SENP5: variants seen among roughly 807,000 people sequenced by gnomAD.
The protein encoded by SENP5 is SUMO specific peptidase 5.
In SENP5, 21 loss-of-function variants were observed where a neutral mutation model predicts 74.2. The ratio of observed to expected loss-of-function variants is 0.28; its 90% CI spans 0.20 to 0.41. The LOEUF (loss-of-function observed/expected upper bound fraction) is 0.41, where lower values mean the gene tolerates loss of function less well. Ranked by LOEUF, SENP5 falls within the 10% of genes least tolerant of loss-of-function variation. The pLI is 1.00. For synonymous variants in SENP5, 311 were observed against 312.7 expected, an observed-to-expected ratio of 0.99 and a Z score of 0.06; for missense variants, 717 against 889.1, an observed-to-expected ratio of 0.81 and a Z score of 2.46.
At chr3:196,872,758 A>G (rs1279049044) in intron 1 of SENP5, among the ~76,000 whole-genome samples, 1 of 152,184 alleles carries the variant, frequency 6.6e-6, no homozygotes, top group Non-Finnish European at 1.5e-5. Flanking sequence ...ACATGTTTCA[A>G]GTGCTCAATG....
chr3:196,922,526 T>C (rs1715659571), intron 6 of SENP5, among the ~76,000 whole-genome samples: 1 of 152,222 alleles, frequency 6.6e-6, no homozygotes, highest in South Asian at 2.1e-4. Flanking sequence ...CATGGCTCAC[T>C]GCAGCCTCGA....
At chr3:196,892,977 T>G (rs1306014101) in intron 2 of SENP5, among the ~76,000 whole-genome samples, 1 of 152,240 alleles carries the variant, frequency 6.6e-6, no homozygotes, top group Non-Finnish European at 1.5e-5. Context: ...TCTTGGCTAT[T>G]GTGGATAGTG....
At chr3:196,897,189 G>T (rs1205386254) in intron 2 of SENP5, among the ~76,000 whole-genome samples, 1 of 151,970 alleles carries the variant, frequency 6.6e-6, no homozygotes, top group Non-Finnish European at 1.5e-5. Context: ...TGTTGTTAGG[G>T]GTATTATTTT....
At chr3:196,895,200 T>C (rs1375576321) in intron 2 of SENP5, among the ~76,000 whole-genome samples, 1 of 151,256 alleles carries the variant, frequency 6.6e-6, no homozygotes, top group African/African-American at 2.4e-5. Flanking sequence ...CTTTTTTTTT[T>C]TTTTTTTTTG....
intron 9 of SENP5, among the ~76,000 whole-genome samples, chr3:196,930,574 G>A (rs1230141506): frequency 1.3e-5 from 2 of 152,148 alleles, no homozygotes; most frequent in East Asian, 3.8e-4. Context: ...CAGATGCGAG[G>A]GATCTAGGTT....
Position 196,885,971 on chromosome 3 carries a change from C to T in SENP5, c.790C>T (p.Gln264Ter). The change falls in exon 2 of 10, where the codon CAG becomes TAG. Residue 264 changes from glutamine (Q) to a stop codon, truncating the protein, a stop_gained. Transcript: ENST00000323460. LOFTEE classifies it high-confidence loss of function. ...CAAGGTTTGCAAGCTAAGAAAAGCC[C>T]AGCGAAGCTGGGTACAGAAAGTCAC... ...KSKVCKLRKAQRSWVQKVTGD... is the reference protein window; with the variant it reads ...KSKVCKLRKA The T allele has an allele frequency of 1.2e-6, 2 of 1,614,190 alleles. No individual in the cohort carries two copies. The highest frequency in any genetic ancestry group is 1.7e-6 in the Non-Finnish European group (2 of 1,180,042).
chr3:196,917,921 T>C (rs1481161308), intron 6 of SENP5, among the ~76,000 whole-genome samples: 3 of 152,164 alleles, frequency 2.0e-5, no homozygotes, highest in Non-Finnish European at 4.4e-5. Flanking sequence ...CTTGACACAC[T>C]AATTGCCGTG....
intron 1 of SENP5, among the ~76,000 whole-genome samples, chr3:196,883,846 G>A (rs1020594662): frequency 6.6e-6 from 1 of 152,046 alleles, no homozygotes; most frequent in Admixed American, 6.6e-5. Context: ...TCATCATCAT[G>A]CCTGGCTAAT....
chr3:196,922,783 GGTTA>G (rs1560160829), intron 6 of SENP5, among the ~76,000 whole-genome samples: 1 of 152,088 alleles, frequency 6.6e-6, no homozygotes, highest in East Asian at 1.9e-4. Flanking sequence ...CACCACGCCC[GGTTA>G]GTTTTTGTAT....
intron 8 of SENP5, 91 bp from the exon 9 acceptor site, chr3:196,929,540 CTA>C: frequency 1.3e-6 from 1 of 750,866 alleles, no homozygotes; most frequent in Non-Finnish European, 2.3e-6. Flanking sequence ...GAAAAGTTTC[CTA>C]TCTTTTGCGC....
At position 196,900,407 on chromosome 3, in the gene SENP5, G is replaced by A; in HGVS notation, c.1801G>A (p.Asp601Asn). Residue 601 changes from aspartate (D) to asparagine (N), a missense_variant, in exon 5 of 10, where the codon GAC becomes AAC. Around this residue, in one of 4 missense-constraint regions of SENP5, gnomAD observed 85 missense variants for 188.9 expected, o/e 0.45. Coordinates refer to ENST00000323460, the MANE Select transcript of SENP5 (RefSeq NM_152699.5). Reference protein sequence around the residue: ...YGELIMDAVPDKVHFFNSFFH... With the variant: ...YGELIMDAVPNKVHFFNSFFH... Reference sequence around the variant, plus strand: ...TGAGCTGATAATGGATGCAGTCCCAGACAAAGTAAGTGAAAACTTCCTCTT... The same window carrying A: ...TGAGCTGATAATGGATGCAGTCCCAAACAAAGTAAGTGAAAACTTCCTCTT... The A allele has an allele frequency of 6.2e-7, 1 of 1,606,654 alleles. No homozygotes were observed. Among genetic ancestry groups the A allele is most frequent in the Non-Finnish European group, 8.5e-7 (1 of 1,176,452 alleles).
chr3:196,901,049 CTT>C (rs202049526), intron 5 of SENP5, among the ~76,000 whole-genome samples: 4 of 107,494 alleles, frequency 3.7e-5, no homozygotes, highest in Admixed American at 9.5e-5. Flanking sequence ...ATTTATTTTA[CTT>C]TTTTTTTTTT....
chr3:196,880,733 C>T lies in SENP5; in HGVS notation c.-31-4418C>T, dbSNP rs144175640. On this transcript the variant is annotated intron_variant, in intron 1 of 9. Transcript: ENST00000323460. ...TTCGGCTCACTGTCACCTGCGCCTCCTGGGTTCAAGCAATTCTCCTGCCTC... is the reference window on the plus strand; with the variant it reads ...TTCGGCTCACTGTCACCTGCGCCTCTTGGGTTCAAGCAATTCTCCTGCCTC... Among the ~76,000 whole-genome samples the T allele has an allele frequency of 2.1e-4, 31 of 149,364 alleles. No homozygotes were observed. In the East Asian group the frequency reaches 5.4e-3, roughly 26 times the overall value.
chr3:196,916,244 T>G (rs1266386024), intron 6 of SENP5, among the ~76,000 whole-genome samples: 1 of 151,962 alleles, frequency 6.6e-6, no homozygotes, highest in Non-Finnish European at 1.5e-5. Flanking sequence ...GGAGAATTGC[T>G]TAAACTTGAG....
intron 2 of SENP5, among the ~76,000 whole-genome samples, chr3:196,892,777 T>C (rs1257313690): frequency 1.3e-5 from 2 of 152,204 alleles, no homozygotes; most frequent in Non-Finnish European, 1.5e-5. Context: ...AGTTTGACTT[T>C]AGATTCCACA....
chr3:196,900,247 A>G, intron 4 of SENP5, 118 bp from the exon 5 acceptor site: 4 of 1,100,412 alleles, frequency 3.6e-6, no homozygotes, highest in Non-Finnish European at 3.9e-6. Context: ...ATTTATTCTG[A>G]TTGGGATGTA....
chr3:196,907,258 G>A (rs1714940232), intron 6 of SENP5, among the ~76,000 whole-genome samples: 1 of 151,980 alleles, frequency 6.6e-6, no homozygotes, highest in Admixed American at 6.6e-5. Flanking sequence ...CGGATCACGA[G>A]GTCAGGAGAT....
chr3:196,907,199 C>A (rs1466821424), intron 6 of SENP5, among the ~76,000 whole-genome samples: 2 of 151,724 alleles, frequency 1.3e-5, no homozygotes, highest in Non-Finnish European at 1.5e-5. Flanking sequence ...ATGGGCCGGG[C>A]ACAGTGGCTC....
intron 7 of SENP5, among the ~76,000 whole-genome samples, chr3:196,926,066 A>T (rs1404509261): frequency 6.6e-6 from 1 of 151,416 alleles, no homozygotes; most frequent in Non-Finnish European, 1.5e-5. Context: ...ATGACAGCAG[A>T]GACTACAAGA....
Sources: allele counts gnomAD v4.1 joint callset (sites outside exome capture counted in the v4.1 genomes callset), GRCh38; gene constraint gnomAD v4.1.1; regional missense constraint gnomAD v4.1.1; transcripts MANE v1.5; gene names NCBI Gene and HGNC (gene_info 2026-07-23, HGNC 2026-07-21).